KDM1A: variants seen among roughly 807,000 people sequenced by gnomAD.
KDM1A encodes lysine-specific histone demethylase 1A.
In KDM1A, 49 loss-of-function variants were observed where a neutral mutation model predicts 109.4. The ratio of observed to expected loss-of-function variants is 0.45; its 90% CI spans 0.36 to 0.57. KDM1A has a LOEUF of 0.57. Ranked by LOEUF, KDM1A falls within the 20% of genes least tolerant of loss-of-function variation. KDM1A has a pLI of 0.00. For synonymous variants in KDM1A, 380 were observed against 415.4 expected, an observed-to-expected ratio of 0.91 and a Z score of 1.04; for missense variants, 668 against 1,116.6, an observed-to-expected ratio of 0.60 and a Z score of 5.73.
chr1:23,057,378 A>T, intron 7 of KDM1A, 106 bp from the exon 8 acceptor site: 2 of 802,726 alleles, frequency 2.5e-6, no homozygotes, highest in Non-Finnish European at 4.2e-6. Flanking sequence ...TGTAAACTCT[A>T]CATCTTTATT....
At position 23,019,631 on chromosome 1, in the gene KDM1A, CGG is replaced by C; in HGVS notation, c.36_37del (p.Ala13GlyfsTer23). 7.1e-7 allele frequency: 1 copy of C among 1,417,316 alleles called. No homozygotes were observed. The allele number at this position is 1,417,316 out of a possible 1,614,324, so 87.8% of individuals were successfully genotyped here. On this transcript the variant is annotated frameshift_variant, in exon 1 of 21. Coordinates refer to ENST00000400181, the MANE Select transcript of KDM1A (RefSeq NM_001009999.3). LOFTEE classifies it high-confidence loss of function. ...GGGAAGAAGGCGGCAGCCGCGGCGG[CGG>C]CGGCTGCAGCGGCAGCAACCGGGAC...
At chr1:23,043,656 C>A (rs1242604479) in intron 2 of KDM1A, among the ~76,000 whole-genome samples, 1 of 152,208 alleles carries the variant, frequency 6.6e-6, no homozygotes, top group Non-Finnish European at 1.5e-5. Context: ...AGAAGACAAT[C>A]TATTCTTTAT....
intron 10 of KDM1A, among the ~76,000 whole-genome samples, chr1:23,068,192 T>G (rs1180805825): frequency 6.6e-6 from 1 of 152,156 alleles, no homozygotes; most frequent in Admixed American, 6.6e-5. Context: ...GTGTGTTGTT[T>G]GCATGTCAGC....
chr1:23,025,608 G>A (rs914916871), intron 1 of KDM1A, among the ~76,000 whole-genome samples: 6 of 152,082 alleles, frequency 3.9e-5, no homozygotes, highest in Non-Finnish European at 8.8e-5. Flanking sequence ...GGGATTACAG[G>A]CATGAGCCAC....
intron 3 of KDM1A, among the ~76,000 whole-genome samples, chr1:23,049,372 A>G (rs1334850084): frequency 6.6e-6 from 1 of 152,090 alleles, no homozygotes; most frequent in East Asian, 1.9e-4. Flanking sequence ...AGGTGTACTT[A>G]TCCACCAATT....
intron 3 of KDM1A, among the ~76,000 whole-genome samples, chr1:23,047,934 G>A (rs1161609216): frequency 6.6e-6 from 1 of 151,764 alleles, no homozygotes; most frequent in Non-Finnish European, 1.5e-5. Context: ...TCTGTAGTGA[G>A]CAGCCAAATG....
In KDM1A at chr1:23,040,361, A is replaced by T. The variant is rs566788446; in HGVS notation, c.518-4066A>T. ...TGAGAAAACATTCAGTAATGTGATT[A>T]TAACTACAACACTTCACGCTTCAAG... On this transcript the variant is annotated intron_variant, in intron 2 of 20. Transcript: ENST00000400181. Among the ~76,000 whole-genome samples, 28 of 152,354 alleles carry T rather than the reference A, an allele frequency of 1.8e-4. No individual in the cohort carries two copies. The South Asian group carries it at 3.1e-3, about 17-fold the overall frequency.
chr1:23,068,676 C>A lies in KDM1A; in HGVS notation c.1317C>A (p.Val439=). 1.3e-6 allele frequency: 2 copies of A among 1,554,966 alleles called. No homozygotes were observed. Among genetic ancestry groups the A allele is most frequent in the South Asian group, 1.3e-5 (1 of 79,108 alleles). Residue 439 remains valine, a synonymous_variant, in exon 11 of 21, where the codon GTC becomes GTA. Coordinates refer to ENST00000400181, the MANE Select transcript of KDM1A (RefSeq NM_001009999.3). ...PVSLGQALEV[V]IQLQEKHVKD... ...CCCTTGGCCAGGCATTGGAAGTTGT[C>A]ATTCAGTAAGTACTTTGATACTGCT...
Position 23,019,623 on chromosome 1 carries a change from CGCGGCGGCGGCGGCTGCAGCGGCA to C in KDM1A, c.30_53del (p.Ala11_Ala18del). The C allele has an allele frequency of 7.1e-7, 1 of 1,418,186 alleles. No individual in the cohort carries two copies. Among genetic ancestry groups the C allele is most frequent in the Non-Finnish European group, 9.1e-7 (1 of 1,095,160 alleles). 87.9% of individuals were successfully genotyped at this position (1,418,186 alleles called of 1,614,324 possible). ...TGTTATCTGGGAAGAAGGCGGCAGC[CGCGGCGGCGGCGGCTGCAGCGGCA>C]GCAACCGGGACGGAGGCTGGCCCTG... On this transcript the variant is annotated inframe_deletion, in exon 1 of 21. Coordinates refer to ENST00000400181, the MANE Select transcript of KDM1A (RefSeq NM_001009999.3).
At chr1:23,076,907 A>G (rs1194203736) in intron 15 of KDM1A, among the ~76,000 whole-genome samples, 1 of 151,440 alleles carries the variant, frequency 6.6e-6, no homozygotes, top group Admixed American at 6.6e-5. Flanking sequence ...CGAGGTTGCA[A>G]TGAGCCGAGA....
Position 23,077,360 on chromosome 1 carries a change from G to T in KDM1A, c.1867G>T (p.Gly623Ter). Residue 623 changes from glycine to a stop codon, truncating the protein, a stop_gained and splice_region_variant, in exon 16 of 21, where the codon GGA (glycine) becomes TGA (stop). Coordinates refer to ENST00000400181, the MANE Select transcript of KDM1A (RefSeq NM_001009999.3). LOFTEE classifies it high-confidence loss of function. ...GCGACAGGTTCGCTACACGGCTTCA[G>T]GTATGTCACTGCTTTACAAAAGGTA... is the stretch of plus-strand genomic sequence containing the variant. ...AVRQVRYTAS[G>*]CEVIAVNTRS... 4 of 1,610,794 alleles carry T rather than the reference G, an allele frequency of 2.5e-6. No individual in the cohort carries two copies. The highest frequency in any genetic ancestry group is 2.5e-6 in the Non-Finnish European group (3 of 1,177,958).
At chr1:23,037,551 G>A (rs1642185928) in intron 2 of KDM1A, among the ~76,000 whole-genome samples, 1 of 152,108 alleles carries the variant, frequency 6.6e-6, no homozygotes, top group Non-Finnish European at 1.5e-5. Context: ...CATTTTTGTG[G>A]TGAGAACACT....
intron 1 of KDM1A, among the ~76,000 whole-genome samples, chr1:23,025,067 T>A (rs1245623277): frequency 6.6e-6 from 1 of 152,218 alleles, no homozygotes; most frequent in Non-Finnish European, 1.5e-5. Context: ...GTGTCCAGGT[T>A]GTAGTGAGCA....
At chr1:23,038,723 A>G (rs1000019170) in intron 2 of KDM1A, among the ~76,000 whole-genome samples, 2 of 152,346 alleles carry the variant, frequency 1.3e-5, no homozygotes, top group African/African-American at 4.8e-5. Context: ...GAAGTCTTCA[A>G]GCACATATCT....
chr1:23,078,879 A>G, intron 16 of KDM1A, 111 bp from the exon 17 acceptor site: 2 of 990,896 alleles, frequency 2.0e-6, no homozygotes, highest in Non-Finnish European at 3.0e-6. Context: ...TAATGAAAAT[A>G]GAAAAATGAG....
At chr1:23,071,611 T>G (rs1643321996) in intron 13 of KDM1A, among the ~76,000 whole-genome samples, 1 of 152,160 alleles carries the variant, frequency 6.6e-6, no homozygotes, top group African/African-American at 2.4e-5. Flanking sequence ...GCCCTAACAG[T>G]TTAGAGTAAG....
chr1:23,040,367 A>G (rs756463758), intron 2 of KDM1A, among the ~76,000 whole-genome samples: 2 of 152,230 alleles, frequency 1.3e-5, no homozygotes, highest in Admixed American at 6.5e-5. Flanking sequence ...GATTATAACT[A>G]CAACACTTCA....
intron 18 of KDM1A, among the ~76,000 whole-genome samples, chr1:23,080,591 T>C (rs1281441286): frequency 1.3e-5 from 2 of 152,150 alleles, no homozygotes; most frequent in Non-Finnish European, 2.9e-5. Flanking sequence ...TCTACTTCCT[T>C]GTCCATCCCC....
chr1:23,076,862 G>A (rs574831042), intron 15 of KDM1A, among the ~76,000 whole-genome samples: 6 of 152,040 alleles, frequency 3.9e-5, no homozygotes, highest in South Asian at 2.1e-4. Flanking sequence ...TTACTTGGGA[G>A]GCTGAGGCAA....
Sources: gnomAD v4.1 joint callset for allele counts (sites outside exome capture counted in the v4.1 genomes callset) on GRCh38, gnomAD v4.1.1 for gene constraint, MANE v1.5 for transcripts, NCBI Gene and HGNC (gene_info 2026-07-23, HGNC 2026-07-21) for gene names.